The following SPAG9 variants were observed in gnomAD, a reference collection of about 807,000 sequenced individuals.
SPAG9 encodes the protein C-Jun-amino-terminal kinase-interacting protein 4.
In SPAG9, 35 loss-of-function variants were observed where a neutral mutation model predicts 166.5. The observed-to-expected ratio is 0.21, with a 90% CI of 0.16 to 0.28. The LOEUF is 0.28. Ranked by LOEUF, SPAG9 falls within the 10% of genes least tolerant of loss-of-function variation. The pLI, the probability that SPAG9 is intolerant of heterozygous loss-of-function variation, is 1.00. For missense variants in SPAG9, 1,235 were observed against 1,603.3 expected, an observed-to-expected ratio of 0.77 and a Z score of 3.92; for synonymous variants, 534 against 565.5, an observed-to-expected ratio of 0.94 and a Z score of 0.79.
intron 6 of SPAG9, among the ~76,000 whole-genome samples, chr17:51,027,996 T>A (rs1226929139): frequency 2.0e-5 from 3 of 151,782 alleles, no homozygotes; most frequent in Non-Finnish European, 4.4e-5. Flanking sequence ...ACATTGATGA[T>A]CCTGACCCTG....
chr17:51,019,941 C>T (rs2144165384), intron 8 of SPAG9, among the ~76,000 whole-genome samples: 1 of 152,362 alleles, frequency 6.6e-6, no homozygotes, highest in African/African-American at 2.4e-5. Flanking sequence ...ACCATCCTTC[C>T]TGCTCATACA....
chr17:51,043,680 T>A (rs965853388), intron 4 of SPAG9, among the ~76,000 whole-genome samples: 2 of 152,158 alleles, frequency 1.3e-5, no homozygotes, highest in African/African-American at 4.8e-5. Context: ...CATACCTTAA[T>A]GAGTTAAGCA....
intron 1 of SPAG9, among the ~76,000 whole-genome samples, chr17:51,092,516 A>G (rs868794708): frequency 2.0e-5 from 3 of 152,190 alleles, no homozygotes; most frequent in Non-Finnish European, 2.9e-5. Flanking sequence ...GTAATTGTTT[A>G]TAAGTTTTAG....
At chr17:50,980,443 G>A (rs1418424236) in intron 25 of SPAG9, among the ~76,000 whole-genome samples, 1 of 151,896 alleles carries the variant, frequency 6.6e-6, no homozygotes, top group Non-Finnish European at 1.5e-5. Flanking sequence ...GACCTCAAGT[G>A]ATCTGCCCAC....
chr17:51,044,237 A>C (rs1214731226), intron 4 of SPAG9, among the ~76,000 whole-genome samples: 1 of 152,214 alleles, frequency 6.6e-6, no homozygotes, highest in Non-Finnish European at 1.5e-5. Context: ...AGAAACCCTG[A>C]AAGGTAAACA....
At position 51,001,795 on chromosome 17, in the gene SPAG9, G is replaced by C; in HGVS notation, c.1527C>G (p.Ala509=). 1.2e-6 allele frequency: 2 copies of C among 1,613,430 alleles called. No individual in the cohort carries two copies. Among genetic ancestry groups the C allele is most frequent in the African/African-American group, 2.7e-5 (2 of 74,994 alleles). The change falls in exon 13 of 30, where the codon GCC becomes GCG. Residue 509 remains alanine, a synonymous_variant. Coordinates refer to ENST00000262013, the MANE Select transcript of SPAG9 (RefSeq NM_001130528.3). The part of the protein sequence containing the change: ...QRKRFTRVEM[A]RVLMERNQYK... ...ACTGGTTTCGCTCCATGAGAACACG[G>C]GCCATTTCTACTCTAGTAAACCGTT...
chr17:51,005,961 C>G, intron 11 of SPAG9, 124 bp downstream of exon 11: 1 of 1,086,452 alleles, frequency 9.2e-7, no homozygotes, highest in South Asian at 1.5e-5. Context: ...TTGCCCTCTC[C>G]CAGGCAGCTC....
intron 3 of SPAG9, among the ~76,000 whole-genome samples, chr17:51,053,848 AAAAAAAG>A (rs1284777278): frequency 1.7e-3 from 112 of 64,222 alleles, no homozygotes; most frequent in African/African-American, 4.2e-3. Context: ...AAAAAAAAAA[AAAAAAAG>A]TATATATATA....
chr17:51,073,074 C>G lies in SPAG9; in HGVS notation c.424+6510G>C, dbSNP rs565415949. ...GGCGCGGTGGCTCATGCCTGTAATC[C>G]CAGCGCTTTGGGAGGCAGAGGTGGG... On this transcript the variant is annotated intron_variant, in intron 2 of 29. Transcript: ENST00000262013. 5.9e-5 allele frequency among the ~76,000 whole-genome samples: 9 copies of G among 152,194 alleles called. No homozygotes were observed. In the South Asian group the frequency reaches 1.2e-3, roughly 21 times the overall value.
chr17:51,005,600 C>T lies in SPAG9; in HGVS notation c.1425-337G>A, dbSNP rs186122223. ...GTGCAGTGGCTCACGCCTGTAATCC[C>T]GGCACTTTGGGAGGCCGAGGCAGGT... On this transcript the variant is annotated intron_variant, in intron 11 of 29. Coordinates refer to ENST00000262013, the MANE Select transcript of SPAG9 (RefSeq NM_001130528.3). Among the ~76,000 whole-genome samples, 7 of 152,248 alleles carry T rather than the reference C, an allele frequency of 4.6e-5. No individual in the cohort carries two copies. The East Asian group carries it at 7.7e-4, about 17-fold the overall frequency.
intron 19 of SPAG9, among the ~76,000 whole-genome samples, chr17:50,991,911 A>G (rs1463670267): frequency 7.6e-6 from 1 of 131,930 alleles, no homozygotes; most frequent in Admixed American, 8.1e-5. Flanking sequence ...GGTGTAAGCC[A>G]CCATGCCAGG....
At chr17:51,005,384 G>C in intron 11 of SPAG9, 121 bp from the exon 12 acceptor site, 1 of 847,960 alleles carries the variant, frequency 1.2e-6, no homozygotes, top group East Asian at 2.6e-5. Context: ...TCCCAAACAG[G>C]GTATTTAGCC....
intron 2 of SPAG9, 72 bp downstream of exon 2, chr17:51,079,512 T>A: frequency 6.7e-7 from 1 of 1,484,096 alleles, no homozygotes; most frequent in Non-Finnish European, 9.3e-7. Context: ...GTGCTGGGAT[T>A]ACAGGCGTGA....
intron 28 of SPAG9, among the ~76,000 whole-genome samples, chr17:50,974,568 G>T (rs555963358): frequency 2.0e-5 from 3 of 152,224 alleles, no homozygotes; most frequent in Admixed American, 1.3e-4. Context: ...TTTATCTTTG[G>T]GGGTGGGAGA....
chr17:50,995,642 C>T (rs908344020), intron 16 of SPAG9, 109 bp from the exon 17 acceptor site: 14 of 718,022 alleles, frequency 1.9e-5, no homozygotes, highest in Non-Finnish European at 3.4e-5. Context: ...TTATTTACTC[C>T]TTGAAATCAA....
At position 50,998,592 on chromosome 17, in the gene SPAG9, T is replaced by C. The variant is rs1238653630; in HGVS notation, c.1690A>G (p.Ser564Gly). The C allele has an allele frequency of 1.5e-5, 25 of 1,614,030 alleles. No homozygotes were observed. The Admixed American group carries it at 3.0e-4, about 19-fold the overall frequency. ...QFFSRLFSSS[S>G]NTTKKPEPPV... Reference sequence around the variant, plus strand: ...GGTTCAGGCTTCTTAGTCGTGTTACTTGAGGAGCTGAAAAGTCGGCTGAAA... The same window carrying C: ...GGTTCAGGCTTCTTAGTCGTGTTACCTGAGGAGCTGAAAAGTCGGCTGAAA... The change falls in exon 15 of 30, where the codon AGT becomes GGT. Residue 564 changes from serine (S) to glycine (G), a missense_variant. Coordinates refer to ENST00000262013, the MANE Select transcript of SPAG9 (RefSeq NM_001130528.3).
intron 1 of SPAG9, among the ~76,000 whole-genome samples, chr17:51,094,982 CA>C (rs2144705236): frequency 6.6e-6 from 1 of 152,252 alleles, no homozygotes; most frequent in South Asian, 2.1e-4. Flanking sequence ...ACTGATCTGA[CA>C]AAAGCAAATT....
At chr17:51,117,484 G>A (rs1291269194) in intron 1 of SPAG9, among the ~76,000 whole-genome samples, 6 of 151,804 alleles carry the variant, frequency 4.0e-5, no homozygotes, top group Admixed American at 3.3e-4. Flanking sequence ...GGCTGAGGCG[G>A]GCAGATCACG....
intron 28 of SPAG9, among the ~76,000 whole-genome samples, chr17:50,973,429 G>A (rs1973971052): frequency 6.6e-6 from 1 of 152,056 alleles, no homozygotes; most frequent in Admixed American, 6.6e-5. Flanking sequence ...GGAAGGAAAT[G>A]ACTATACAAA....
Sources: allele counts gnomAD v4.1 joint callset (sites outside exome capture counted in the v4.1 genomes callset), GRCh38; gene constraint gnomAD v4.1.1; transcripts MANE v1.5; gene names NCBI Gene and HGNC (gene_info 2026-07-23, HGNC 2026-07-21).